The following GLIS1 variants were observed in gnomAD, a reference collection of about 807,000 sequenced individuals.
GLIS1 encodes GLIS family zinc finger 1.
A neutral mutation model predicts 63.8 loss-of-function variants in GLIS1; 24 were observed. That is an observed-to-expected ratio of 0.38 (90% CI 0.27 to 0.53). The LOEUF is 0.53. GLIS1 is among the 20% of genes least tolerant of loss of function. GLIS1 has a pLI of 0.85. For missense variants in GLIS1, 1,036 were observed against 1,074.1 expected (o/e 0.96, Z 0.50); for synonymous variants, 450 against 482.5 (o/e 0.93, Z 0.88).
intron 4 of GLIS1, among the ~76,000 whole-genome samples, chr1:53,591,444 G>A (rs1351845726): frequency 1.3e-5 from 2 of 152,228 alleles, no homozygotes; most frequent in African/African-American, 2.4e-5. Context: ...ACAAACAAGA[G>A]CATTGCAGTT....
Position 53,600,297 on chromosome 1 carries a change from G to A in GLIS1, c.260-19C>T, listed in dbSNP as rs1645303259. 3 of 1,230,172 alleles carry A rather than the reference G, an allele frequency of 2.4e-6. No individual in the cohort carries two copies. Among genetic ancestry groups the A allele is most frequent in the African/African-American group, 1.6e-5 (1 of 64,394 alleles). 76.2% of individuals were successfully genotyped at this position (1,230,172 alleles called of 1,614,324 possible). On this transcript the variant is annotated intron_variant, in intron 2 of 10. Coordinates refer to ENST00000628545, the MANE Select transcript of GLIS1 (RefSeq NM_001367484.1). ...CCATTCACTAGGCAGAGAAAGACAG[G>A]GAGAGAGGGACACAGTGAGTGGGAA...
chr1:53,520,405 A>C (rs752947326), intron 7 of GLIS1, among the ~76,000 whole-genome samples: 34 of 152,224 alleles, frequency 2.2e-4, no homozygotes, highest in Non-Finnish European at 4.1e-4. Flanking sequence ...AGCAATGGGG[A>C]GCCACAGAAT....
intron 2 of GLIS1, among the ~76,000 whole-genome samples, chr1:53,674,549 T>C (rs1451045016): frequency 1.3e-5 from 2 of 152,222 alleles, no homozygotes; most frequent in Non-Finnish European, 2.9e-5. Context: ...GTTGCAGGCA[T>C]GTGAGCTCTT....
intron 2 of GLIS1, among the ~76,000 whole-genome samples, chr1:53,631,632 A>C (rs1277409698): frequency 1.3e-5 from 2 of 152,240 alleles, no homozygotes; most frequent in African/African-American, 4.8e-5. Flanking sequence ...AGTAAATTAT[A>C]CAGAATGTTA....
At chr1:53,738,839 G>A (rs1330597993) in intron 1 of GLIS1, among the ~76,000 whole-genome samples, 1 of 152,142 alleles carries the variant, frequency 6.6e-6, no homozygotes, top group Non-Finnish European at 1.5e-5. Context: ...GCCCGGGGAC[G>A]GACACGCCAC....
chr1:53,589,953 C>T (rs907529485), intron 4 of GLIS1, among the ~76,000 whole-genome samples: 4 of 152,248 alleles, frequency 2.6e-5, no homozygotes, highest in African/African-American at 9.6e-5. Context: ...CAACCACCCA[C>T]ATACTGCCCT....
intron 4 of GLIS1, among the ~76,000 whole-genome samples, chr1:53,531,368 G>C (rs184907169): frequency 6.6e-6 from 1 of 152,222 alleles, no homozygotes; most frequent in African/African-American, 2.4e-5. Flanking sequence ...GAGGACTGGC[G>C]CTCCCAAAGC....
At chr1:53,655,157 C>G (rs531325914) in intron 2 of GLIS1, among the ~76,000 whole-genome samples, 1 of 152,264 alleles carries the variant, frequency 6.6e-6, no homozygotes, top group South Asian at 2.1e-4. Flanking sequence ...AATGGCTAAC[C>G]TGTACCTTCA....
rs371917955 is a variant in GLIS1, at chr1:53,594,632, G to A, written c.796C>T (p.Arg266Cys). The A allele has an allele frequency of 1.9e-5, 30 of 1,562,054 alleles. No individual in the cohort carries two copies. The highest frequency in any genetic ancestry group is 9.0e-5 in the East Asian group (4 of 44,234). Residue 266 changes from arginine (R) to cysteine (C), a missense_variant, in exon 4 of 11, where the codon CGC becomes TGC. Transcript: ENST00000628545. Reference sequence around the variant, plus strand: ...GTGACCAGAGACGTCTGGGAGGAGCGGATGATGGAGGTGACGTCGGAGGAG... The same window carrying A: ...GTGACCAGAGACGTCTGGGAGGAGCAGATGATGGAGGTGACGTCGGAGGAG... ...CASSDVTSII[R>C]SSQTSLVTCV... is the part of the protein sequence containing the mutation.
At chr1:53,572,081 T>G (rs1644990051) in intron 4 of GLIS1, among the ~76,000 whole-genome samples, 1 of 152,264 alleles carries the variant, frequency 6.6e-6, no homozygotes, top group South Asian at 2.1e-4. Flanking sequence ...ATGTTCATTT[T>G]GTTATGCTTT....
At chr1:53,718,596 T>C (rs1224959292) in intron 2 of GLIS1, among the ~76,000 whole-genome samples, 1 of 152,110 alleles carries the variant, frequency 6.6e-6, no homozygotes, top group Non-Finnish European at 1.5e-5. Flanking sequence ...GCTGAAAAAG[T>C]AGACTCCAGA....
chr1:53,579,910 G>A (rs1452256785), intron 4 of GLIS1, among the ~76,000 whole-genome samples: 1 of 152,234 alleles, frequency 6.6e-6, no homozygotes, highest in East Asian at 1.9e-4. Context: ...AATGACATGA[G>A]GTTATCGTAG....
intron 5 of GLIS1, 151 bp downstream of exon 5, chr1:53,529,640 A>C: frequency 1.4e-6 from 1 of 734,550 alleles, no homozygotes; most frequent in Non-Finnish European, 2.2e-6. Context: ...TCTAGAATGC[A>C]GAGGACACCA....
chr1:53,697,079 T>G (rs892332645), intron 2 of GLIS1, among the ~76,000 whole-genome samples: 40 of 152,224 alleles, frequency 2.6e-4, no homozygotes, highest in Admixed American at 5.2e-4. Flanking sequence ...CACTGAGGAC[T>G]ACTTCTCTCA....
chr1:53,656,274 G>A (rs773831311), intron 2 of GLIS1, among the ~76,000 whole-genome samples: 1 of 152,150 alleles, frequency 6.6e-6, no homozygotes, highest in Non-Finnish European at 1.5e-5. Flanking sequence ...ACCCCAGAGG[G>A]GAGTGCCCCA....
intron 2 of GLIS1, among the ~76,000 whole-genome samples, chr1:53,654,639 G>A (rs1645944670): frequency 6.6e-6 from 1 of 152,198 alleles, no homozygotes; most frequent in Non-Finnish European, 1.5e-5. Flanking sequence ...AACTCGGAGA[G>A]CGCAGTGTCT....
chr1:53,712,021 T>C (rs1646652204), intron 2 of GLIS1, among the ~76,000 whole-genome samples: 1 of 152,214 alleles, frequency 6.6e-6, no homozygotes, highest in Non-Finnish European at 1.5e-5. Flanking sequence ...TAGGGAGTCA[T>C]TCAAGGCCCA....
intron 4 of GLIS1, among the ~76,000 whole-genome samples, chr1:53,567,758 C>T (rs1644947593): frequency 6.6e-6 from 1 of 152,238 alleles, no homozygotes; most frequent in Non-Finnish European, 1.5e-5. Context: ...GTCATTGCTT[C>T]AGAGGGTGCA....
intron 2 of GLIS1, among the ~76,000 whole-genome samples, chr1:53,703,312 G>A (rs1302080813): frequency 6.6e-6 from 1 of 152,136 alleles, no homozygotes; most frequent in Non-Finnish European, 1.5e-5. Context: ...TGGGGCACCT[G>A]GTACAGGCCC....
Sources: gnomAD v4.1 joint callset for allele counts (sites outside exome capture counted in the v4.1 genomes callset) on GRCh38, gnomAD v4.1.1 for gene constraint, MANE v1.5 for transcripts, NCBI Gene and HGNC (gene_info 2026-07-23, HGNC 2026-07-21) for gene names.